Variants in MYO1H observed in about 807,000 individuals in gnomAD.
MYO1H encodes myosin IH.
In MYO1H, 118 loss-of-function variants were observed where a neutral mutation model predicts 149.3. The observed-to-expected ratio is 0.79, with a 90% CI of 0.68 to 0.92. MYO1H has a LOEUF of 0.92. MYO1H is among the 40% of genes least tolerant of loss of function. The pLI, the probability that MYO1H is intolerant of heterozygous loss-of-function variation, is 0.00. For synonymous variants in MYO1H, 447 were observed against 465.2 expected (o/e 0.96, Z 0.50); for missense variants, 1,212 against 1,280.7 (o/e 0.95, Z 0.82).
At chr12:109,338,089 G>A in the MYO1H span, among the ~76,000 whole-genome samples, 1 of 152,098 alleles carries the variant, frequency 6.6e-6, no homozygotes, top group Non-Finnish European at 1.5e-5. Context: ...TTTCGTTTTC[G>A]AGACGGTCTT....
upstream of MYO1H, among the ~76,000 whole-genome samples, chr12:109,344,910 G>A (rs1288375302): frequency 1.3e-5 from 2 of 152,142 alleles, no homozygotes; most frequent in South Asian, 2.1e-4. Context: ...ATGCTGGAGC[G>A]ACATGCCACA....
At chr12:109,445,780 G>C (rs1872454944) in intron 31 of MYO1H, 168 bp downstream of exon 31, 1 of 985,282 alleles carries the variant, frequency 1.0e-6, no homozygotes, top group South Asian at 4.7e-5. Flanking sequence ...AACTGATATA[G>C]AGATACACAC....
chr12:109,375,548 G>A (rs1040294676), intron 1 of MYO1H, among the ~76,000 whole-genome samples: 1 of 152,148 alleles, frequency 6.6e-6, no homozygotes, highest in Non-Finnish European at 1.5e-5. Context: ...TCCTTTTTAT[G>A]TATTGGAAAT....
chr12:109,324,973 T>C, the MYO1H span, among the ~76,000 whole-genome samples: 1 of 152,154 alleles, frequency 6.6e-6, no homozygotes, highest in Non-Finnish European at 1.5e-5. Context: ...CAAGTGGTGG[T>C]TGGTTTTCTG....
At chr12:109,365,570 G>A (rs1868849952) in intron 1 of MYO1H, among the ~76,000 whole-genome samples, 1 of 152,180 alleles carries the variant, frequency 6.6e-6, no homozygotes, top group South Asian at 2.1e-4. Context: ...AGGCTCTGGA[G>A]TTCAGCTGTT....
In MYO1H at chr12:109,391,001, T is replaced by A. The variant is rs574086750; in HGVS notation, c.174+2157T>A. Among the ~76,000 whole-genome samples, 15 of 152,314 alleles carry A rather than the reference T, an allele frequency of 9.8e-5. 1 individual carries two copies. The South Asian group carries it at 2.7e-3, about 27-fold the overall frequency. On this transcript the variant is annotated intron_variant, in intron 2 of 31. Coordinates refer to ENST00000310903, the Ensembl canonical transcript of MYO1H. ...ATGCCAGAGAGACCTTTAAGAACCA[T>A]AAATCAGGTTTACGTGCTCCCCTCT...
chr12:109,360,466 C>G (rs1868719970), intron 1 of MYO1H, among the ~76,000 whole-genome samples: 1 of 152,202 alleles, frequency 6.6e-6, no homozygotes, highest in Non-Finnish European at 1.5e-5. Context: ...CTGTCTCTCT[C>G]TCTCTCTTCA....
intron 1 of MYO1H, among the ~76,000 whole-genome samples, chr12:109,355,242 C>T (rs1256729844): frequency 6.6e-6 from 1 of 152,158 alleles, no homozygotes; most frequent in Non-Finnish European, 1.5e-5. Flanking sequence ...TCTGTATTCA[C>T]ACGACTTCAG....
intron 6 of MYO1H, among the ~76,000 whole-genome samples, chr12:109,403,348 A>G (rs746092751): frequency 5.3e-5 from 8 of 152,242 alleles, no homozygotes; most frequent in Non-Finnish European, 1.0e-4. Flanking sequence ...AAGAAAACAG[A>G]TCTTCAGATA....
chr12:109,420,220 C>T (rs1361485019), intron 15 of MYO1H, among the ~76,000 whole-genome samples: 1 of 152,188 alleles, frequency 6.6e-6, no homozygotes, highest in Non-Finnish European at 1.5e-5. Flanking sequence ...TATACGACAG[C>T]TCATCAGGAT....
chr12:109,447,063 C>T (rs1872514550), intron 31 of MYO1H, 96 bp from the exon 32 acceptor site: 3 of 1,273,008 alleles, frequency 2.4e-6, no homozygotes, highest in African/African-American at 3.0e-5. Context: ...CCCTCCACAC[C>T]CACCTTGCTA....
rs187708666 is a variant in MYO1H, at chr12:109,399,419, C to A, written c.570+1607C>A. On this transcript the variant is annotated intron_variant, in intron 5 of 31. Transcript: ENST00000310903. ...CCAGCCTGGCCAACATGGTGAAACC[C>A]TGTCTCTAATAAAAATATGAAAATT... 6.7e-3 allele frequency among the ~76,000 whole-genome samples: 1,011 copies of A among 151,300 alleles called. 53 individuals carry two copies. The highest frequency in any genetic ancestry group is 0.058 in the Admixed American group (881 of 15,170).
At chr12:109,377,133 T>C (rs1376463465) in intron 1 of MYO1H, among the ~76,000 whole-genome samples, 1 of 152,232 alleles carries the variant, frequency 6.6e-6, no homozygotes, top group East Asian at 1.9e-4. Flanking sequence ...ATCTTCCCAT[T>C]AAGCAGTTTC....
chr12:109,390,064 T>G (rs1334430098), intron 2 of MYO1H, among the ~76,000 whole-genome samples: 2 of 152,254 alleles, frequency 1.3e-5, no homozygotes, highest in African/African-American at 4.8e-5. Context: ...GTTTCTGATT[T>G]GAACGGATAC....
chr12:109,339,256 G>T, the MYO1H span, among the ~76,000 whole-genome samples: 1 of 152,180 alleles, frequency 6.6e-6, no homozygotes, highest in East Asian at 1.9e-4. Flanking sequence ...TCCCAGCTGT[G>T]CAGGAGACTG....
intron 3 of MYO1H, among the ~76,000 whole-genome samples, chr12:109,395,027 T>C (rs962811762): frequency 6.6e-6 from 1 of 152,184 alleles, no homozygotes. Context: ...CCTCCGAAAG[T>C]GCTGGGATTA....
chr12:109,399,357 C>T (rs1442629991), intron 5 of MYO1H, among the ~76,000 whole-genome samples: 1 of 151,772 alleles, frequency 6.6e-6, no homozygotes, highest in African/African-American at 2.4e-5. Context: ...TTTGGGAGGC[C>T]GAGGTGGGCA....
exon 24 of MYO1H, chr12:109,439,706 G>T: frequency 6.2e-7 from 1 of 1,613,928 alleles, no homozygotes; most frequent in Non-Finnish European, 8.5e-7. Flanking sequence ...TTGTGCGGAA[G>T]AATTACATCT....
chr12:109,444,610 T>C, intron 30 of MYO1H, 81 bp downstream of exon 30: 1 of 1,088,904 alleles, frequency 9.2e-7, no homozygotes, highest in Non-Finnish European at 1.4e-6. Flanking sequence ...CTCATGCCTA[T>C]AATCCCAGCA....
Sources: gnomAD v4.1 joint callset for allele counts (sites outside exome capture counted in the v4.1 genomes callset) on GRCh38, gnomAD v4.1.1 for gene constraint, MANE v1.5 for transcripts, NCBI Gene and HGNC (gene_info 2026-07-23, HGNC 2026-07-21) for gene names.